The following TMC1 variants were observed in gnomAD, a reference collection of about 807,000 sequenced individuals.
TMC1 encodes transmembrane channel-like protein 1.
TMC1 carries 84 observed loss-of-function variants against 105.8 expected under a neutral mutation model. That is an observed-to-expected ratio of 0.79 (90% CI 0.67 to 0.95). TMC1 has a LOEUF of 0.95. TMC1 is among the 40% of genes least tolerant of loss of function. The pLI is 0.00. For missense variants in TMC1, 817 were observed against 914.1 expected (o/e 0.89, Z 1.37); for synonymous variants, 315 against 311.5 (o/e 1.01, Z -0.12).
chr9:72,579,986 T>C (rs1824448170), intron 2 of TMC1, among the ~76,000 whole-genome samples: 1 of 152,216 alleles, frequency 6.6e-6, no homozygotes, highest in Admixed American at 6.5e-5. Context: ...CTTGGTCATC[T>C]TCCCAAAGGT....
intron 5 of TMC1, among the ~76,000 whole-genome samples, chr9:72,670,130 TC>T (rs1826106892): frequency 6.6e-6 from 1 of 152,202 alleles, no homozygotes; most frequent in South Asian, 2.1e-4. Flanking sequence ...TCTGTAGTGT[TC>T]CTGCTGACTC....
At chr9:72,776,256 ATATATAT>A (rs1322128586) in intron 13 of TMC1, among the ~76,000 whole-genome samples, 2 of 151,844 alleles carry the variant, frequency 1.3e-5, no homozygotes, top group Admixed American at 1.3e-4. Context: ...TATATATGAG[ATATATAT>A]TATAAACTAC....
At chr9:72,626,799 A>T (rs1825355275) in intron 3 of TMC1, among the ~76,000 whole-genome samples, 1 of 152,148 alleles carries the variant, frequency 6.6e-6, no homozygotes, top group African/African-American at 2.4e-5. Context: ...GGGTAAGAAG[A>T]TGAGAAGAAT....
intron 1 of TMC1, among the ~76,000 whole-genome samples, chr9:72,535,083 C>T (rs956967581): frequency 6.6e-6 from 1 of 151,666 alleles, no homozygotes; most frequent in African/African-American, 2.4e-5. Flanking sequence ...GGGTGTGTTA[C>T]AGTTATATGA....
intron 5 of TMC1, among the ~76,000 whole-genome samples, chr9:72,662,481 G>A (rs964435765): frequency 6.6e-6 from 1 of 151,924 alleles, no homozygotes; most frequent in Non-Finnish European, 1.5e-5. Flanking sequence ...ACAGGTGTGA[G>A]CCACTGTGCC....
At chr9:72,559,800 G>T (rs1477378023) in intron 1 of TMC1, among the ~76,000 whole-genome samples, 2 of 152,146 alleles carry the variant, frequency 1.3e-5, no homozygotes, top group South Asian at 4.1e-4. Flanking sequence ...ACACAGAAAT[G>T]ATGACAAAAA....
chr9:72,794,976 C>T (rs1828337851), intron 17 of TMC1, among the ~76,000 whole-genome samples: 1 of 152,106 alleles, frequency 6.6e-6, no homozygotes, highest in Non-Finnish European at 1.5e-5. Flanking sequence ...AGGAATTTCA[C>T]AATGCAATCA....
intron 8 of TMC1, among the ~76,000 whole-genome samples, chr9:72,738,873 C>T: frequency 6.6e-6 from 1 of 152,152 alleles, no homozygotes; most frequent in East Asian, 1.9e-4. Context: ...CTTGGGTTAT[C>T]TGTTTCTATC....
chr9:72,664,365 G>A (rs1245504319), intron 5 of TMC1, among the ~76,000 whole-genome samples: 1 of 152,148 alleles, frequency 6.6e-6, no homozygotes, highest in East Asian at 1.9e-4. Flanking sequence ...GAAATACTGG[G>A]TAGAAGAGGG....
chr9:72,674,670 C>G (rs1310888536), intron 5 of TMC1, among the ~76,000 whole-genome samples: 1 of 152,198 alleles, frequency 6.6e-6, no homozygotes, highest in Non-Finnish European at 1.5e-5. Context: ...CACAAGCTCT[C>G]CAGGTGATAA....
At chr9:72,631,180 T>C (rs1209808426) in intron 4 of TMC1, among the ~76,000 whole-genome samples, 1 of 152,186 alleles carries the variant, frequency 6.6e-6, no homozygotes, top group East Asian at 1.9e-4. Context: ...ACCCGGCCCA[T>C]TTTTCACATT....
chr9:72,744,947 A>C (rs1456627567), intron 10 of TMC1, among the ~76,000 whole-genome samples: 2 of 152,238 alleles, frequency 1.3e-5, no homozygotes, highest in African/African-American at 4.8e-5. Flanking sequence ...GCTATCCAAT[A>C]ATAACCTTCA....
chr9:72,624,062 A>C (rs1247751379), intron 3 of TMC1, among the ~76,000 whole-genome samples: 1 of 152,146 alleles, frequency 6.6e-6, no homozygotes, highest in South Asian at 2.1e-4. Flanking sequence ...GTTCCGATAG[A>C]TGGTTGTGTA....
intron 19 of TMC1, among the ~76,000 whole-genome samples, chr9:72,818,037 G>A (rs906527882): frequency 6.6e-6 from 1 of 152,158 alleles, no homozygotes; most frequent in African/African-American, 2.4e-5. Context: ...CTAGGAGGCT[G>A]ATGAGGGAGG....
chr9:72,636,171 A>C (rs1825531464), intron 4 of TMC1, among the ~76,000 whole-genome samples: 1 of 152,200 alleles, frequency 6.6e-6, no homozygotes, highest in Non-Finnish European at 1.5e-5. Context: ...GATGGTCAAG[A>C]AACTGGTGCA....
intron 1 of TMC1, among the ~76,000 whole-genome samples, chr9:72,538,246 G>A (rs1823617038): frequency 6.6e-6 from 1 of 151,664 alleles, no homozygotes; most frequent in South Asian, 2.1e-4. Flanking sequence ...GATGATGAAT[G>A]TCTCTTATTA....
intron 1 of TMC1, among the ~76,000 whole-genome samples, chr9:72,543,429 T>C (rs1823710377): frequency 6.6e-6 from 1 of 152,216 alleles, no homozygotes; most frequent in African/African-American, 2.4e-5. Context: ...GGTCTTCATA[T>C]TTTCACTCTG....
intron 8 of TMC1, among the ~76,000 whole-genome samples, chr9:72,713,728 T>TG (rs1826872786): frequency 7.5e-6 from 1 of 133,720 alleles, no homozygotes; most frequent in Non-Finnish European, 1.7e-5. Context: ...ATTCATTGAT[T>TG]TTTTTTTTTT....
chr9:72,671,251 C>T (rs542092890), intron 5 of TMC1, among the ~76,000 whole-genome samples: 23 of 152,250 alleles, frequency 1.5e-4, no homozygotes, highest in African/African-American at 5.3e-4. Flanking sequence ...AGATTTTTCT[C>T]CTTGACCTTT....
Sources: allele counts gnomAD v4.1 joint callset (sites outside exome capture counted in the v4.1 genomes callset), GRCh38; gene constraint gnomAD v4.1.1; transcripts MANE v1.5; gene names NCBI Gene and HGNC (gene_info 2026-07-23, HGNC 2026-07-21).